The following DEPTOR variants were observed in gnomAD, a reference collection of about 807,000 sequenced individuals.
The protein encoded by DEPTOR is DEP domain-containing mTOR-interacting protein.
DEPTOR carries 41 observed loss-of-function variants against 41.6 expected under a neutral mutation model. That is an observed-to-expected ratio of 0.98 (90% CI 0.77 to 1.28). The LOEUF is 1.28. Ranked by LOEUF, DEPTOR falls within the 50% of genes most tolerant of loss-of-function variation. The pLI, the probability that DEPTOR is intolerant of heterozygous loss-of-function variation, is 0.00. For synonymous variants in DEPTOR, 195 were observed against 192.3 expected (o/e 1.01, Z -0.12); for missense variants, 514 against 527.9 (o/e 0.97, Z 0.26).
At chr8:119,983,120 G>A (rs886800562) in intron 4 of DEPTOR, among the ~76,000 whole-genome samples, 8 of 152,112 alleles carry the variant, frequency 5.3e-5, no homozygotes, top group Non-Finnish European at 1.0e-4. Context: ...AAAGCAGATG[G>A]GTATACCGAT....
At chr8:119,890,515 C>T (rs1398677940) in intron 1 of DEPTOR, among the ~76,000 whole-genome samples, 1 of 152,126 alleles carries the variant, frequency 6.6e-6, no homozygotes, top group Admixed American at 6.6e-5. Context: ...GTTGGCCAGG[C>T]TGGTCTTGAT....
intron 3 of DEPTOR, among the ~76,000 whole-genome samples, chr8:119,940,163 G>C (rs1283897531): frequency 6.6e-6 from 1 of 151,994 alleles, no homozygotes; most frequent in Non-Finnish European, 1.5e-5. Flanking sequence ...GTTGCAGTGA[G>C]CCAAGATGGC....
At position 119,952,294 on chromosome 8, in the gene DEPTOR, T is replaced by C. The variant is rs74319749; in HGVS notation, c.426-12938T>C. ...ATTTAAAATAGTCCCACTATCTCCA[T>C]TGACACTTTATATGAATGACAGCCA... is the stretch of plus-strand genomic sequence containing the variant. On this transcript the variant is annotated intron_variant, in intron 3 of 8. Coordinates refer to ENST00000286234, the MANE Select transcript of DEPTOR (RefSeq NM_022783.4). Among the ~76,000 whole-genome samples, 146 of 152,314 alleles carry C rather than the reference T, an allele frequency of 9.6e-4. 2 individuals are homozygous for C. The East Asian group carries it at 0.022, about 23-fold the overall frequency.
At chr8:119,946,535 G>T (rs1293488765) in intron 3 of DEPTOR, among the ~76,000 whole-genome samples, 1 of 151,592 alleles carries the variant, frequency 6.6e-6, no homozygotes, top group Non-Finnish European at 1.5e-5. Context: ...GAGATCAGGA[G>T]TTCAACCTGA....
chr8:120,037,110 C>T (rs1451473513), intron 8 of DEPTOR, among the ~76,000 whole-genome samples: 2 of 152,174 alleles, frequency 1.3e-5, no homozygotes, highest in Non-Finnish European at 2.9e-5. Flanking sequence ...GGTTTGTCTG[C>T]CTTTCAACAA....
intron 8 of DEPTOR, among the ~76,000 whole-genome samples, chr8:120,020,607 G>C (rs7817075): frequency 0.81 from 123,567 of 152,154 alleles, 50,252 homozygotes; most frequent in African/African-American, 0.83. Flanking sequence ...TTGTGTTCAC[G>C]TAGGGCTTGA....
intron 1 of DEPTOR, among the ~76,000 whole-genome samples, chr8:119,908,985 A>G (rs1827703446): frequency 9.1e-6 from 1 of 109,330 alleles, no homozygotes; most frequent in African/African-American, 2.7e-5. Flanking sequence ...TTTAAAAACC[A>G]TGACAGCCAG....
intron 1 of DEPTOR, among the ~76,000 whole-genome samples, chr8:119,904,127 T>TC (rs902266040): frequency 6.6e-6 from 1 of 151,328 alleles, no homozygotes; most frequent in African/African-American, 2.4e-5. Flanking sequence ...TTTTTTTTGT[T>TC]TTTTTTTTGA....
chr8:119,892,643 C>T (rs1827466147), intron 1 of DEPTOR, among the ~76,000 whole-genome samples: 1 of 152,184 alleles, frequency 6.6e-6, no homozygotes, highest in Non-Finnish European at 1.5e-5. Context: ...TCCAGTTAAA[C>T]CCATTGAGAA....
At chr8:120,008,985 CCGGAGACAGT>C in intron 7 of DEPTOR, 34 bp from the exon 8 acceptor site, 1 of 1,589,070 alleles carries the variant, frequency 6.3e-7, no homozygotes, top group South Asian at 1.1e-5. Context: ...AAGCAAATTG[CCGGAGACAGT>C]CGGCTGCTTG....
chr8:119,993,877 C>A (rs541640599), intron 4 of DEPTOR, among the ~76,000 whole-genome samples: 2 of 151,500 alleles, frequency 1.3e-5, no homozygotes, highest in East Asian at 3.9e-4. Flanking sequence ...CAGGCTGAGG[C>A]CGGGTGCGGT....
rs537156352 is a variant in DEPTOR, at chr8:119,885,906, A to G, written c.122+11938A>G. 2.6e-4 allele frequency among the ~76,000 whole-genome samples: 39 copies of G among 147,632 alleles called. No individual in the cohort carries two copies. In the South Asian group the frequency reaches 8.1e-3, roughly 31 times the overall value. On this transcript the variant is annotated intron_variant, in intron 1 of 8. Transcript: ENST00000286234. Reference sequence around the variant, plus strand: ...CAGAGTACGTTGTAGACAATAATACACTTTTCCTAAAACCTTCAGCTCTCG... The same window carrying G: ...CAGAGTACGTTGTAGACAATAATACGCTTTTCCTAAAACCTTCAGCTCTCG...
At chr8:119,958,417 G>T (rs1828446050) in intron 3 of DEPTOR, among the ~76,000 whole-genome samples, 1 of 152,152 alleles carries the variant, frequency 6.6e-6, no homozygotes. Flanking sequence ...CTTAGAAGTT[G>T]CATAATGTCA....
intron 1 of DEPTOR, among the ~76,000 whole-genome samples, chr8:119,887,122 T>TC (rs1827375624): frequency 1.1e-3 from 8 of 7,190 alleles, no homozygotes; most frequent in Non-Finnish European, 1.7e-3. Flanking sequence ...CCCCTCCCCC[T>TC]CCCCTCCCCC....
intron 8 of DEPTOR, among the ~76,000 whole-genome samples, chr8:120,034,290 C>T (rs1405010957): frequency 3.0e-5 from 4 of 132,888 alleles, no homozygotes; most frequent in Non-Finnish European, 3.3e-5. Context: ...CACACACACA[C>T]ACACACACAT....
Position 119,949,675 on chromosome 8 carries a change from G to A in DEPTOR, c.426-15557G>A, listed in dbSNP as rs988549941. On this transcript the variant is annotated intron_variant, in intron 3 of 8. Coordinates refer to ENST00000286234, the MANE Select transcript of DEPTOR (RefSeq NM_022783.4). Reference sequence around the variant, plus strand: ...TTTAGTTTATTCAGATCATTTGCCCGTTTTTATTTTTGTTTTTATTTTGAG... The same window carrying A: ...TTTAGTTTATTCAGATCATTTGCCCATTTTTATTTTTGTTTTTATTTTGAG... Among the ~76,000 whole-genome samples the A allele has an allele frequency of 3.8e-4, 57 of 151,826 alleles. 4 individuals carry two copies. The highest frequency in any genetic ancestry group is 1.3e-4 in the Admixed American group (2 of 15,198).
At chr8:120,022,287 G>A (rs895129391) in intron 8 of DEPTOR, among the ~76,000 whole-genome samples, 24 of 151,504 alleles carry the variant, frequency 1.6e-4, no homozygotes, top group African/African-American at 3.4e-4. Flanking sequence ...TACTACATTC[G>A]TATCAGTGGG....
At chr8:120,016,590 C>T (rs1418096519) in intron 8 of DEPTOR, among the ~76,000 whole-genome samples, 3 of 151,726 alleles carry the variant, frequency 2.0e-5, no homozygotes, top group African/African-American at 4.8e-5. Flanking sequence ...TGTGAGCCAC[C>T]ATGCCTGGCC....
At chr8:119,897,820 G>T (rs1352910482) in intron 1 of DEPTOR, among the ~76,000 whole-genome samples, 3 of 152,114 alleles carry the variant, frequency 2.0e-5, no homozygotes, top group Admixed American at 6.6e-5. Flanking sequence ...AAAATAAGAA[G>T]AATAAAAGGG....
Sources: gnomAD v4.1 joint callset for allele counts (sites outside exome capture counted in the v4.1 genomes callset) on GRCh38, gnomAD v4.1.1 for gene constraint, MANE v1.5 for transcripts, NCBI Gene and HGNC (gene_info 2026-07-23, HGNC 2026-07-21) for gene names.